Variants in WFDC5 observed in about 807,000 individuals in gnomAD.
WFDC5 encodes the protein WAP four-disulfide core domain 5, also known as WAP four-disulfide core domain protein 5.
A neutral mutation model predicts 15.7 loss-of-function variants in WFDC5; 15 were observed. The observed-to-expected ratio is 0.96, with a 90% confidence interval of 0.64 to 1.47. The LOEUF (loss-of-function observed/expected upper bound fraction) is 1.47. WFDC5 is among the 40% of genes most tolerant of loss of function. WFDC5 has a pLI of 0.00. For missense variants in WFDC5, 280 were observed against 258.0 expected (o/e 1.09, Z -0.59); for synonymous variants, 109 against 107.7 (o/e 1.01, Z -0.07).
At chr20:45,112,635 G>A (rs919247135) in intron 1 of WFDC5, among the ~76,000 whole-genome samples, 1 of 152,168 alleles carries the variant, frequency 6.6e-6, no homozygotes, top group Non-Finnish European at 1.5e-5. Context: ...CAAAAGAATC[G>A]TATCCAAACA....
upstream of WFDC5, among the ~76,000 whole-genome samples, chr20:45,115,504 G>A (rs180735471): frequency 3.3e-3 from 505 of 152,290 alleles, 2 homozygotes; most frequent in Non-Finnish European, 5.6e-3. Context: ...AAAGGAGTGG[G>A]GGTTTGCAGA....
At chr20:45,110,474 T>C in exon 3 of WFDC5, 1 of 1,614,134 alleles carries the variant, frequency 6.2e-7, no homozygotes. Context: ...GTCTGAGTCC[T>C]TGTGACACAG....
exon 4 of WFDC5, chr20:45,109,907 T>C: frequency 6.7e-7 from 1 of 1,496,938 alleles, no homozygotes; most frequent in Non-Finnish European, 9.3e-7. Context: ...CCACCGCTGG[T>C]AGAGATAGTG....
intron 3 of WFDC5, among the ~76,000 whole-genome samples, 167 bp from the exon 4 acceptor site, chr20:45,110,180 T>C (rs908490351): frequency 1.3e-5 from 2 of 152,206 alleles, no homozygotes; most frequent in African/African-American, 2.4e-5. Flanking sequence ...TTTAGGGCTG[T>C]CATCCAGGTG....
chr20:45,113,505 C>A (rs919687877), intron 1 of WFDC5, among the ~76,000 whole-genome samples: 1 of 152,228 alleles, frequency 6.6e-6, no homozygotes, highest in African/African-American at 2.4e-5. Flanking sequence ...TCCCTGGGAA[C>A]ACAATGACTC....
At chr20:45,109,908 A>C in exon 4 of WFDC5, 393 of 1,474,714 alleles carry the variant, frequency 2.7e-4, no homozygotes, top group Middle Eastern at 5.2e-4. Context: ...CACCGCTGGT[A>C]GAGATAGTGC....
intron 1 of WFDC5, among the ~76,000 whole-genome samples, chr20:45,114,610 G>A (rs1282302388): frequency 6.6e-6 from 1 of 151,932 alleles, no homozygotes; most frequent in Non-Finnish European, 1.5e-5. Flanking sequence ...CATGCGTGCA[G>A]CCATTCCTAA....
chr20:45,110,558 G>A lies in WFDC5; in HGVS notation c.227-18C>T, dbSNP rs765995084. Reference sequence around the variant, plus strand: ...CAGCTTCACTGCAACACAGGGAACTGGGTGAGCTCCGTCCTTGCCCACTGG... The same window carrying A: ...CAGCTTCACTGCAACACAGGGAACTAGGTGAGCTCCGTCCTTGCCCACTGG... On this transcript the variant is annotated intron_variant, in intron 2 of 3. Transcript: ENST00000307971. The A allele has an allele frequency of 1.2e-6, 2 of 1,614,000 alleles. No homozygotes were observed. Among genetic ancestry groups the A allele is most frequent in the African/African-American group, 2.7e-5 (2 of 74,936 alleles).
chr20:45,115,104 GC>G, exon 1 of WFDC5: 1 of 1,608,316 alleles, frequency 6.2e-7, no homozygotes. Context: ...CCGGCTCAGG[GC>G]CCAGGGCCCC....
chr20:45,114,990 C>T lies in WFDC5; in HGVS notation c.85+9G>A, dbSNP rs767547577. On this transcript the variant is annotated intron_variant, in intron 1 of 3. Coordinates refer to ENST00000307971, the Ensembl canonical transcript of WFDC5. ...TGGTCCCCCCAGCAGAGGGATTTCC[C>T]GCACTCACCTCCCTTCTTCCTGCCA... The T allele has an allele frequency of 3.1e-6, 5 of 1,612,904 alleles. No individual in the cohort carries two copies. Among genetic ancestry groups the T allele is most frequent in the African/African-American group, 1.3e-5 (1 of 74,900 alleles).
intron 2 of WFDC5, 36 bp downstream of exon 2, chr20:45,110,599 C>T: frequency 6.2e-7 from 1 of 1,613,994 alleles, no homozygotes; most frequent in Non-Finnish European, 8.5e-7. Context: ...AAGCTTGGGG[C>T]TTGGATGGTC....
chr20:45,110,255 C>A, intron 3 of WFDC5, 145 bp downstream of exon 3: 1 of 1,413,022 alleles, frequency 7.1e-7, no homozygotes, highest in Non-Finnish European at 9.5e-7. Flanking sequence ...CAGGACTCCT[C>A]CAACCCCTAT....
intron 1 of WFDC5, among the ~76,000 whole-genome samples, chr20:45,111,597 G>A (rs1263841063): frequency 1.3e-5 from 2 of 152,196 alleles, no homozygotes; most frequent in Non-Finnish European, 2.9e-5. Flanking sequence ...GCATGGTTTC[G>A]AGGATCAGGC....
intron 3 of WFDC5, 161 bp downstream of exon 3, chr20:45,110,239 T>A (rs888647691): frequency 7.5e-7 from 1 of 1,331,694 alleles, no homozygotes; most frequent in Non-Finnish European, 1.0e-6. Context: ...TCCTCTGTCA[T>A]CCTAGCAGGA....
exon 4 of WFDC5, chr20:45,109,907 T>G: frequency 3.3e-6 from 5 of 1,496,934 alleles, no homozygotes; most frequent in Non-Finnish European, 4.7e-6. Flanking sequence ...CCACCGCTGG[T>G]AGAGATAGTG....
At chr20:45,110,705 G>A (rs757112717) in exon 2 of WFDC5, 57 of 1,614,202 alleles carry the variant, frequency 3.5e-5, no homozygotes, top group Non-Finnish European at 4.7e-5. Context: ...GACACTGGCT[G>A]TCTTCCACGC....
At chr20:45,111,110 C>T (rs1320611734) in intron 1 of WFDC5, among the ~76,000 whole-genome samples, 5 of 152,214 alleles carry the variant, frequency 3.3e-5, no homozygotes, top group Non-Finnish European at 7.3e-5. Context: ...CTCAGTGCCT[C>T]CTGATCTGCT....
At chr20:45,110,360 G>T (rs758379501) in intron 3 of WFDC5, 40 bp downstream of exon 3, 1 of 1,565,776 alleles carries the variant, frequency 6.4e-7, no homozygotes, top group East Asian at 2.3e-5. Flanking sequence ...GCTGGGCTCG[G>T]AGAGGGGAGG....
chr20:45,112,085 G>A (rs1981636300), intron 1 of WFDC5, among the ~76,000 whole-genome samples: 1 of 152,076 alleles, frequency 6.6e-6, no homozygotes. Flanking sequence ...GTCACATCGG[G>A]TTGGTTTAAA....
Sources: allele counts gnomAD v4.1 joint callset (sites outside exome capture counted in the v4.1 genomes callset), GRCh38; gene constraint gnomAD v4.1.1; transcripts MANE v1.5; gene names NCBI Gene and HGNC (gene_info 2026-07-23, HGNC 2026-07-21).